MGA: variants seen among roughly 807,000 people sequenced by gnomAD.
MGA encodes MAX gene-associated protein.
MGA carries 40 observed loss-of-function variants against 261.1 expected under a neutral mutation model. The observed-to-expected ratio is 0.15, with a 90% CI of 0.12 to 0.20. MGA has a LOEUF of 0.20. MGA is among the 10% of genes least tolerant of loss of function. The pLI is 1.00. For missense variants in MGA, 3,397 were observed against 3,630.5 expected, an observed-to-expected ratio of 0.94 and a Z score of 1.65; for synonymous variants, 1,302 against 1,290.6, an observed-to-expected ratio of 1.01 and a Z score of -0.19.
intron 1 of MGA, among the ~76,000 whole-genome samples, chr15:41,631,021 G>C (rs925835010): frequency 4.6e-5 from 7 of 152,120 alleles, no homozygotes; most frequent in African/African-American, 1.7e-4. Flanking sequence ...CAGTGTGGGG[G>C]ACACACAAAA....
chr15:41,716,926 G>C (rs1367565749), intron 9 of MGA, among the ~76,000 whole-genome samples: 1 of 151,278 alleles, frequency 6.6e-6, no homozygotes, highest in Non-Finnish European at 1.5e-5. Context: ...TTTTGTAATG[G>C]TTCAATCCAT....
rs543526875 is a variant in MGA, at chr15:41,701,817, T to A, written c.2188+2658T>A. On this transcript the variant is annotated intron_variant, in intron 5 of 23. Transcript: ENST00000219905. ...TACTTTTCACCTTCTTTATAGATTC[T>A]ACATTTGGTGCAAGTTTGTATTTAA... Among the ~76,000 whole-genome samples, 9 of 152,242 alleles carry A rather than the reference T, an allele frequency of 5.9e-5. No individual in the cohort carries two copies. In the South Asian group the frequency reaches 8.3e-4, roughly 14 times the overall value.
intron 10 of MGA, among the ~76,000 whole-genome samples, chr15:41,727,868 A>G (rs2061330577): frequency 6.6e-6 from 1 of 152,214 alleles, no homozygotes; most frequent in Non-Finnish European, 1.5e-5. Flanking sequence ...GGTAGGTAAA[A>G]GTAGGAAGTT....
intron 9 of MGA, chr15:41,718,335 A>G: frequency 3.1e-6 from 1 of 321,088 alleles, no homozygotes; most frequent in Non-Finnish European, 5.7e-6. Context: ...ATATATATAC[A>G]TGTATAGTAT....
intron 15 of MGA, among the ~76,000 whole-genome samples, chr15:41,744,491 C>T (rs1457792523): frequency 1.3e-5 from 2 of 152,118 alleles, no homozygotes; most frequent in African/African-American, 2.4e-5. Context: ...CCACCACGTC[C>T]GGCTTGTGAA....
In MGA at chr15:41,766,205, A is replaced by G. The variant is rs2063790533; in HGVS notation, c.8123A>G (p.Asp2708Gly). The G allele has an allele frequency of 1.9e-6, 3 of 1,613,998 alleles. No homozygotes were observed. The highest frequency in any genetic ancestry group is 2.5e-6 in the Non-Finnish European group (3 of 1,179,874). The change falls in exon 24 of 24, where the codon GAT becomes GGT. Residue 2708 changes from aspartate (D) to glycine (G), a missense_variant. Asp to Gly is a moderately conservative substitution (Grantham distance 94). Transcript: ENST00000219905. Reference sequence around the variant, plus strand: ...AGAATCTCTTCCAGAGGAAACAGAGATGGCAGAGTGACGTTGGGTCCAACG... The same window carrying G: ...AGAATCTCTTCCAGAGGAAACAGAGGTGGCAGAGTGACGTTGGGTCCAACG...
At chr15:41,700,325 C>T (rs1224864000) in intron 5 of MGA, among the ~76,000 whole-genome samples, 3 of 152,106 alleles carry the variant, frequency 2.0e-5, no homozygotes, top group Non-Finnish European at 4.4e-5. Flanking sequence ...AGATTACAGG[C>T]GTGAGCCACC....
intron 3 of MGA, among the ~76,000 whole-genome samples, chr15:41,697,380 A>G (rs2059595330): frequency 6.8e-6 from 1 of 148,002 alleles, no homozygotes; most frequent in African/African-American, 2.5e-5. Context: ...GTGACGCTCC[A>G]TTTCTTTTAC....
rs969854383 is a variant in MGA at position 41,711,288 on chromosome 15, C to T, written c.3023C>T (p.Pro1008Leu). The change falls in exon 8 of 24, where the codon CCA (proline) becomes CTA (leucine). Residue 1008 changes from proline (P) to leucine (L), a missense_variant. By Grantham distance (98) the Pro-to-Leu change is moderately conservative. Around this residue, in one of 9 missense-constraint regions of MGA, gnomAD observed 519 missense variants for 554.1 expected, o/e 0.94. Transcript: ENST00000219905. ...GACTGTGCACTTTGGGAAGGAAAAC[C>T]AAGGACATACATCACAGAAGAGCGA... 1.9e-6 allele frequency: 3 copies of T among 1,613,870 alleles called. No individual in the cohort carries two copies. The highest frequency in any genetic ancestry group is 2.5e-6 in the Non-Finnish European group (3 of 1,179,856).
chr15:41,736,775 T>C, intron 13 of MGA, 77 bp downstream of exon 13: 3 of 1,400,980 alleles, frequency 2.1e-6, no homozygotes, highest in Non-Finnish European at 2.8e-6. Context: ...GAGCCCTTTA[T>C]GGTCCTGATA....
Position 41,672,753 on chromosome 15 carries a change from G to A in MGA, c.1064+2795G>A, listed in dbSNP as rs146278581. On this transcript the variant is annotated intron_variant, in intron 2 of 23. Coordinates refer to ENST00000219905, the MANE Select transcript of MGA (RefSeq NM_001164273.2). ...TTTTAGTATGTATACAAGAATATGT[G>A]ACAGAGACCATAGATGCTTGTAAAG... Among the ~76,000 whole-genome samples the A allele has an allele frequency of 7.9e-4, 121 of 152,278 alleles. 1 individual carries two copies. Among genetic ancestry groups the A allele is most frequent in the Non-Finnish European group, 7.9e-4 (54 of 68,020 alleles).
At chr15:41,760,178 G>A in intron 19 of MGA, 145 bp from the exon 20 acceptor site, 3 of 684,618 alleles carry the variant, frequency 4.4e-6, no homozygotes, top group Non-Finnish European at 7.7e-6. Flanking sequence ...AGGATAGACT[G>A]GTAGTAAGAT....
chr15:41,735,693 C>T (rs1355050898), intron 12 of MGA, among the ~76,000 whole-genome samples: 2 of 151,662 alleles, frequency 1.3e-5, no homozygotes, highest in African/African-American at 4.9e-5. Context: ...GCTATCACGC[C>T]TCTGCACTCC....
chr15:41,681,838 T>G (rs577606022), intron 2 of MGA, among the ~76,000 whole-genome samples: 2 of 152,332 alleles, frequency 1.3e-5, no homozygotes, highest in African/African-American at 4.8e-5. Flanking sequence ...TTTATAACTT[T>G]GTTTTGTAGT....
chr15:41,633,026 A>G (rs13380105), intron 1 of MGA, among the ~76,000 whole-genome samples: 1,801 of 150,464 alleles, frequency 0.012, 34 homozygotes, highest in African/African-American at 0.041. Context: ...ATCTCAGCTC[A>G]CTGCAACCTC....
intron 9 of MGA, among the ~76,000 whole-genome samples, chr15:41,722,629 G>C (rs1458558490): frequency 6.6e-6 from 1 of 152,128 alleles, no homozygotes; most frequent in Non-Finnish European, 1.5e-5. Context: ...AATATGTATT[G>C]AGCTGTATAC....
chr15:41,758,680 A>C (rs1289538532), intron 19 of MGA, among the ~76,000 whole-genome samples: 1 of 152,116 alleles, frequency 6.6e-6, no homozygotes, highest in Admixed American at 6.5e-5. Context: ...TTTAATGTTT[A>C]TATTGCTTTT....
chr15:41,687,578 A>G (rs1268999653), intron 2 of MGA, among the ~76,000 whole-genome samples: 1 of 152,150 alleles, frequency 6.6e-6, no homozygotes, highest in African/African-American at 2.4e-5. Context: ...TGTATTTTAA[A>G]CTATTCGTTT....
rs573846043 is a variant in MGA, at chr15:41,704,253, T to G, written c.2189-3475T>G. The stretch of plus-strand genomic sequence containing the variant: ...AGAGATGGGGTCTCCCAGTTTTGCC[T>G]AGGCTTGTCTCAAACTCCTGGCTTC... On this transcript the variant is annotated intron_variant, in intron 5 of 23. Coordinates refer to ENST00000219905, the MANE Select transcript of MGA (RefSeq NM_001164273.2). Among the ~76,000 whole-genome samples, 4 of 152,232 alleles carry G rather than the reference T, an allele frequency of 2.6e-5. No homozygotes were observed. The East Asian group carries it at 7.7e-4, about 29-fold the overall frequency.
Sources: allele counts gnomAD v4.1 joint callset (sites outside exome capture counted in the v4.1 genomes callset), GRCh38; gene constraint gnomAD v4.1.1; regional missense constraint gnomAD v4.1.1; transcripts MANE v1.5; gene names NCBI Gene and HGNC (gene_info 2026-07-23, HGNC 2026-07-21).